Variants in PEBP4 observed in about 807,000 individuals in gnomAD.
The protein encoded by PEBP4 is phosphatidylethanolamine binding protein 4, also known as phosphatidylethanolamine-binding protein 4.
A neutral mutation model predicts 23.9 loss-of-function variants in PEBP4; 22 were observed. That is an observed-to-expected ratio of 0.92 (90% CI 0.66 to 1.31). The LOEUF is 1.31. PEBP4 is among the 40% of genes most tolerant of loss of function. PEBP4 has a pLI of 0.00. For synonymous variants in PEBP4, 112 were observed against 99.3 expected, an observed-to-expected ratio of 1.13 and a Z score of -0.76; for missense variants, 324 against 281.7, an observed-to-expected ratio of 1.15 and a Z score of -1.07.
chr8:22,826,804 T>C (rs564183833), intron 3 of PEBP4, among the ~76,000 whole-genome samples: 79 of 152,320 alleles, frequency 5.2e-4, no homozygotes, highest in Non-Finnish European at 9.4e-4. Context: ...GTAGATGAGA[T>C]AGAGACATCT....
chr8:22,890,022 C>G (rs1208884133), intron 3 of PEBP4, among the ~76,000 whole-genome samples: 2 of 152,192 alleles, frequency 1.3e-5, no homozygotes, highest in East Asian at 3.8e-4. Context: ...CAGATGTTAC[C>G]TGGAAGACCT....
chr8:22,729,594 G>A (rs35836811), intron 4 of PEBP4, among the ~76,000 whole-genome samples: 2,768 of 152,296 alleles, frequency 0.018, 39 homozygotes, highest in Middle Eastern at 0.048. Flanking sequence ...CTTATCAACC[G>A]GGGCCAGCAT....
intron 3 of PEBP4, among the ~76,000 whole-genome samples, chr8:22,903,252 C>T (rs2128777286): frequency 6.6e-6 from 1 of 152,322 alleles, no homozygotes; most frequent in African/African-American, 2.4e-5. Context: ...GGCTTCATCA[C>T]TCATGAACTG....
At chr8:22,778,080 C>T (rs892240928) in intron 4 of PEBP4, among the ~76,000 whole-genome samples, 3 of 152,146 alleles carry the variant, frequency 2.0e-5, no homozygotes, top group African/African-American at 7.2e-5. Flanking sequence ...CTTCCTGTCT[C>T]TAGTTGCCCC....
At chr8:22,766,618 G>A (rs891350020) in intron 4 of PEBP4, among the ~76,000 whole-genome samples, 1 of 152,204 alleles carries the variant, frequency 6.6e-6, no homozygotes, top group Non-Finnish European at 1.5e-5. Context: ...TTGCTGTGGG[G>A]GTAACCAAAA....
intron 3 of PEBP4, among the ~76,000 whole-genome samples, chr8:22,833,360 C>G (rs1807127812): frequency 6.6e-6 from 1 of 152,136 alleles, no homozygotes; most frequent in Non-Finnish European, 1.5e-5. Flanking sequence ...GAGATAGGGT[C>G]TTATTCTGTC....
At chr8:22,857,025 T>C (rs998865183) in intron 3 of PEBP4, among the ~76,000 whole-genome samples, 1 of 152,044 alleles carries the variant, frequency 6.6e-6, no homozygotes, top group Non-Finnish European at 1.5e-5. Flanking sequence ...TGATGCACTA[T>C]GATGTTAAAA....
At chr8:22,728,003 C>T (rs772804891) in intron 4 of PEBP4, among the ~76,000 whole-genome samples, 3 of 152,174 alleles carry the variant, frequency 2.0e-5, no homozygotes, top group Admixed American at 1.3e-4. Flanking sequence ...TGCCATGGCT[C>T]AGGGGCCCCA....
chr8:22,902,126 C>A (rs899952142), intron 3 of PEBP4, among the ~76,000 whole-genome samples: 19 of 152,156 alleles, frequency 1.2e-4, no homozygotes, highest in Admixed American at 1.2e-3. Flanking sequence ...TGAGACCAGC[C>A]TTACCAACAT....
intron 3 of PEBP4, among the ~76,000 whole-genome samples, chr8:22,907,941 G>A (rs1388795405): frequency 6.6e-6 from 1 of 151,702 alleles, no homozygotes; most frequent in Non-Finnish European, 1.5e-5. Context: ...TGGTGAGAGA[G>A]AAAGAAAGTT....
chr8:22,915,417 C>CCCTCA (rs768796969), intron 3 of PEBP4, among the ~76,000 whole-genome samples: 2 of 141,770 alleles, frequency 1.4e-5, no homozygotes, highest in Non-Finnish European at 3.1e-5. Context: ...CAAGCCTCAT[C>CCCTCA]CCTCACCTCA....
intron 3 of PEBP4, among the ~76,000 whole-genome samples, chr8:22,857,007 A>G (rs2128768063): frequency 6.6e-6 from 1 of 152,286 alleles, no homozygotes; most frequent in East Asian, 1.9e-4. Context: ...GTGTTTGATG[A>G]CATGAACTGA....
chr8:22,872,314 G>C (rs1301206123), intron 3 of PEBP4, among the ~76,000 whole-genome samples: 1 of 152,178 alleles, frequency 6.6e-6, no homozygotes, highest in East Asian at 1.9e-4. Flanking sequence ...TGGCCCTCAG[G>C]CAAGAGGGTG....
intron 3 of PEBP4, among the ~76,000 whole-genome samples, chr8:22,902,372 G>A (rs867054732): frequency 3.9e-5 from 6 of 152,046 alleles, no homozygotes; most frequent in South Asian, 2.1e-4. Flanking sequence ...AAAATCCTAC[G>A]TCCTAACTCC....
chr8:22,795,950 A>C (rs1806250953), intron 4 of PEBP4, among the ~76,000 whole-genome samples: 2 of 152,194 alleles, frequency 1.3e-5, no homozygotes, highest in African/African-American at 4.8e-5. Flanking sequence ...TGTATGCCGA[A>C]ATGTGAGAAT....
At chr8:22,845,413 T>C (rs1807410865) in intron 3 of PEBP4, among the ~76,000 whole-genome samples, 1 of 150,674 alleles carries the variant, frequency 6.6e-6, no homozygotes, top group African/African-American at 2.4e-5. Flanking sequence ...TGTGTGCCTA[T>C]AGTCCTAGCT....
chr8:22,739,216 G>A (rs1422607101), intron 4 of PEBP4, among the ~76,000 whole-genome samples: 1 of 152,162 alleles, frequency 6.6e-6, no homozygotes, highest in Non-Finnish European at 1.5e-5. Flanking sequence ...GGGGTGGGGG[G>A]CACCCCAGGT....
At chr8:22,927,510 G>C in intron 2 of PEBP4, 74 bp downstream of exon 2, 8 of 1,529,792 alleles carry the variant, frequency 5.2e-6, no homozygotes, top group Non-Finnish European at 7.0e-6. Flanking sequence ...TCTTGGTTCT[G>C]GATATACCCC....
At chr8:22,888,697 A>G (rs1300820801) in intron 3 of PEBP4, among the ~76,000 whole-genome samples, 1 of 152,222 alleles carries the variant, frequency 6.6e-6, no homozygotes, top group Non-Finnish European at 1.5e-5. Context: ...TGTGCCCAGA[A>G]ACCTGCAATG....
Sources: allele counts gnomAD v4.1 joint callset (sites outside exome capture counted in the v4.1 genomes callset), GRCh38; gene constraint gnomAD v4.1.1; transcripts MANE v1.5; gene names NCBI Gene and HGNC (gene_info 2026-07-23, HGNC 2026-07-21).